MILR1: variants seen among roughly 807,000 people sequenced by gnomAD.
The protein encoded by MILR1 is allergin-1.
MILR1 carries 31 observed loss-of-function variants against 18.5 expected under a neutral mutation model. The ratio of observed to expected loss-of-function variants is 1.68; its 90% CI spans 1.26 to 2.26. The LOEUF (loss-of-function observed/expected upper bound fraction) is 2.26, where lower values mean the gene tolerates loss of function less well. MILR1 is among the 30% of genes most tolerant of loss of function. The probability of loss-of-function intolerance (pLI) is 0.00; values close to 1 mark genes in which losing one functional copy is unlikely to be tolerated. For missense variants in MILR1, 257 were observed against 157.4 expected (o/e 1.63, Z -3.38); for synonymous variants, 85 against 56.2 (o/e 1.51, Z -2.30).
chr17:64,495,273 G>T, the MILR1 span, among the ~76,000 whole-genome samples: 196 of 151,108 alleles, frequency 1.3e-3, no homozygotes, highest in African/African-American at 4.5e-3. Context: ...AAGAAAGTTA[G>T]GAAATATATT....
the MILR1 span, among the ~76,000 whole-genome samples, chr17:64,477,328 A>G: frequency 2.0e-5 from 3 of 152,352 alleles, no homozygotes; most frequent in East Asian, 5.8e-4. Context: ...AGATGTAAAG[A>G]CATCTCCCGA....
chr17:64,469,445 T>C (rs1447925715), downstream of MILR1, among the ~76,000 whole-genome samples: 1 of 152,192 alleles, frequency 6.6e-6, no homozygotes, highest in Non-Finnish European at 1.5e-5. Flanking sequence ...TCGCCCAGGT[T>C]GGAGTGCCAT....
At chr17:64,473,071 CG>C (rs1344801874), downstream of MILR1, among the ~76,000 whole-genome samples, 1 of 152,026 alleles carries the variant, frequency 6.6e-6, no homozygotes, top group African/African-American at 2.4e-5. Flanking sequence ...GTCTTTTGGC[CG>C]GGCGTGGTGG....
chr17:64,460,891 T>A lies in MILR1; in HGVS notation c.722T>A (p.Ile241Asn). The A allele has an allele frequency of 2.1e-6, 1 of 475,218 alleles. No individual in the cohort carries two copies. Among genetic ancestry groups the A allele is most frequent in the South Asian group, 6.7e-5 (1 of 14,888 alleles). The allele number at this position is 475,218 out of a possible 1,614,324, so 29.4% of individuals were successfully genotyped here. ...PGLLLLLVVI[I>N]LILAFWVLPK... ...TTATTACTGTTGCTGGTGGTGATAA[T>A]CCTAATTCTGGCTTTTTGGGTACTG... Residue 241 changes from isoleucine (I) to asparagine (N), a missense_variant, in exon 5 of 10, where the codon ATC (isoleucine) becomes AAC (asparagine). Physicochemically the swap from Ile to Asn is moderately radical, Grantham distance 149. Transcript: ENST00000619286.
At chr17:64,490,994 C>T in the MILR1 span, 2 of 1,565,714 alleles carry the variant, frequency 1.3e-6, no homozygotes, top group Non-Finnish European at 1.8e-6. Context: ...TTAAGTTTGT[C>T]TTAACATATT....
chr17:64,456,638 C>T (rs2037307110), intron 3 of MILR1, among the ~76,000 whole-genome samples: 1 of 151,994 alleles, frequency 6.6e-6, no homozygotes, highest in Non-Finnish European at 1.5e-5. Flanking sequence ...TAGTGAGACT[C>T]TGTCTCTACA....
At chr17:64,494,016 T>C in the MILR1 span, among the ~76,000 whole-genome samples, 6 of 152,374 alleles carry the variant, frequency 3.9e-5, no homozygotes, top group South Asian at 4.1e-4. Context: ...TAACATATGG[T>C]GATATTTTAG....
At chr17:64,490,737 C>T in the MILR1 span, 23 of 1,364,346 alleles carry the variant, frequency 1.7e-5, no homozygotes, top group South Asian at 2.3e-5. Context: ...TCAAATGGTT[C>T]GGAAATGATT....
At chr17:64,458,768 A>G in intron 4 of MILR1, among the ~76,000 whole-genome samples, 1 of 151,942 alleles carries the variant, frequency 6.6e-6, no homozygotes, top group Non-Finnish European at 1.5e-5. Context: ...CACTCTAGGT[A>G]CCTGGACCAA....
At position 64,457,422 on chromosome 17, in the gene MILR1, G is replaced by GTTC. The variant is rs2037324876; in HGVS notation, c.390_391insTTC (p.Leu130_Asn131insPhe). ...CAGACCCGGTGACTTCCCCAGTGCTGAACATTATGGTCATTCAAACAGAAA... is the reference window on the plus strand; with the variant it reads ...CAGACCCGGTGACTTCCCCAGTGCTGTTCAACATTATGGTCATTCAAACAGAAA... On this transcript the variant is annotated inframe_insertion, in exon 4 of 10. Transcript: ENST00000619286. The GTTC allele has an allele frequency of 4.2e-6, 2 of 475,206 alleles. No individual in the cohort carries two copies. Among genetic ancestry groups the GTTC allele is most frequent in the Non-Finnish European group, 7.7e-6 (2 of 259,060 alleles). The allele number at this position is 475,206 out of a possible 1,614,324, so 29.4% of individuals were successfully genotyped here. A position where few individuals can be genotyped will look rare whatever the true frequency, so the allele number is the denominator to read the frequency against.
the MILR1 span, chr17:64,480,213 ATT>A: frequency 2.2e-6 from 1 of 444,490 alleles, no homozygotes; most frequent in Non-Finnish European, 4.0e-6. Flanking sequence ...TTTAGAAGAG[ATT>A]TGTTTCTGTA....
At chr17:64,478,028 G>A in the MILR1 span, 357 of 1,597,696 alleles carry the variant, frequency 2.2e-4, 1 homozygote, top group African/African-American at 4.5e-3. Flanking sequence ...GAGCACAAAT[G>A]TAAATAATAA....
chr17:64,479,631 T>C, the MILR1 span, among the ~76,000 whole-genome samples: 5 of 151,828 alleles, frequency 3.3e-5, no homozygotes, highest in Non-Finnish European at 7.4e-5. Context: ...ATTAATGAAA[T>C]AGCATGGGGT....
chr17:64,466,688 T>A (rs1555663375), intron 8 of MILR1, 26 bp downstream of exon 8: 1 of 1,577,638 alleles, frequency 6.3e-7, no homozygotes, highest in South Asian at 1.1e-5. Flanking sequence ...GGATAAGAGG[T>A]ACTGGTGAAA....
Position 64,457,586 on chromosome 17 carries a change from A to G in MILR1, c.554A>G (p.Lys185Arg), listed in dbSNP as rs2037329516. Residue 185 changes from lysine (K) to arginine (R), a missense_variant, in exon 4 of 10, where the codon AAG becomes AGG. Lys to Arg is a conservative substitution (Grantham distance 26). Transcript: ENST00000619286. ...DREPAEFNLT[K>R]KNPGEEEEYR... The stretch of plus-strand genomic sequence containing the variant: ...GAGCCTGCTGAATTTAACTTAACCA[A>G]GAAGAATCCTGGAGAAGAGGAAGAG... 4 of 475,408 alleles carry G rather than the reference A, an allele frequency of 8.4e-6. No homozygotes were observed. Among genetic ancestry groups the G allele is most frequent in the Non-Finnish European group, 1.2e-5 (3 of 259,062 alleles). The allele number at this position is 475,408 out of a possible 1,614,324, so 29.4% of individuals were successfully genotyped here.
At chr17:64,495,157 G>A in the MILR1 span, among the ~76,000 whole-genome samples, 4 of 140,902 alleles carry the variant, frequency 2.8e-5, no homozygotes, top group East Asian at 4.0e-4. Flanking sequence ...CAGCCTGGGC[G>A]GCAGAGCGAG....
chr17:64,466,956 C>A (rs188736416), intron 8 of MILR1, among the ~76,000 whole-genome samples: 80 of 151,536 alleles, frequency 5.3e-4, no homozygotes, highest in Non-Finnish European at 1.3e-4. Flanking sequence ...TCCCTCTCTC[C>A]CTCCCTCCCT....
the MILR1 span, chr17:64,496,359 G>A: frequency 1.6e-6 from 2 of 1,266,886 alleles, no homozygotes; most frequent in Non-Finnish European, 1.1e-6. Context: ...AGACTGCCTC[G>A]CCTTTCCACC....
chr17:64,486,527 A>C, the MILR1 span, among the ~76,000 whole-genome samples: 1 of 151,952 alleles, frequency 6.6e-6, no homozygotes, highest in Non-Finnish European at 1.5e-5. Flanking sequence ...ATGTCTGGCT[A>C]ATTTTTTTCT....
Sources: gnomAD v4.1 joint callset for allele counts (sites outside exome capture counted in the v4.1 genomes callset) on GRCh38, gnomAD v4.1.1 for gene constraint, MANE v1.5 for transcripts, NCBI Gene and HGNC (gene_info 2026-07-23, HGNC 2026-07-21) for gene names.